The following BIRC6 variants were observed in gnomAD, a reference collection of about 807,000 sequenced individuals.
BIRC6 encodes the protein baculoviral IAP repeat containing 6, also known as dual E2 ubiquitin-conjugating enzyme/E3 ubiquitin-protein ligase BIRC6.
A neutral mutation model predicts 503.3 loss-of-function variants in BIRC6; 98 were observed. The ratio of observed to expected loss-of-function variants is 0.19; its 90% CI spans 0.17 to 0.23. BIRC6 has a LOEUF of 0.23. Ranked by LOEUF, BIRC6 falls within the 10% of genes least tolerant of loss-of-function variation. The pLI, the probability that BIRC6 is intolerant of heterozygous loss-of-function variation, is 1.00. For synonymous variants in BIRC6, 2,240 were observed against 2,078.7 expected, an observed-to-expected ratio of 1.08 and a Z score of -2.11; for missense variants, 5,360 against 5,806.0, an observed-to-expected ratio of 0.92 and a Z score of 2.50.
chr2:32,465,994 G>A (rs773321725), intron 26 of BIRC6, among the ~76,000 whole-genome samples: 1 of 152,088 alleles, frequency 6.6e-6, no homozygotes, highest in Non-Finnish European at 1.5e-5. Flanking sequence ...AAGTCTTATG[G>A]GAGATGAGCA....
At chr2:32,590,567 G>C (rs1329958399) in intron 66 of BIRC6, among the ~76,000 whole-genome samples, 1 of 152,204 alleles carries the variant, frequency 6.6e-6, no homozygotes, top group Admixed American at 6.5e-5. Context: ...TTGGGCGGTA[G>C]ATACTGGTAG....
At chr2:32,404,854 G>A (rs2041021634) in intron 8 of BIRC6, among the ~76,000 whole-genome samples, 1 of 151,756 alleles carries the variant, frequency 6.6e-6, no homozygotes, top group Non-Finnish European at 1.5e-5. Context: ...TGGAGATGGG[G>A]TCTCACTGTG....
intron 71 of BIRC6, among the ~76,000 whole-genome samples, chr2:32,604,977 G>T (rs2062344393): frequency 1.3e-5 from 2 of 151,080 alleles, no homozygotes; most frequent in African/African-American, 4.9e-5. Context: ...CTGCGTCTCG[G>T]GTTCAAGCTG....
chr2:32,618,013 T>G lies in BIRC6; in HGVS notation c.*109T>G. ...ATGTAATAGGTAATGAAACTGAAAC[T>G]ATACTATGCCCTTAAGGAGATCCAG... On this transcript the variant is annotated 3_prime_UTR_variant, in exon 74 of 74. Coordinates refer to ENST00000421745, the MANE Select transcript of BIRC6 (RefSeq NM_016252.4). 1 of 1,079,000 alleles carries G rather than the reference T, an allele frequency of 9.3e-7. No individual in the cohort carries two copies. The highest frequency in any genetic ancestry group is 1.3e-6 in the Non-Finnish European group (1 of 760,996). The allele number at this position is 1,079,000 out of a possible 1,614,324, so 66.8% of individuals were successfully genotyped here. A position where few individuals can be genotyped will look rare whatever the true frequency, so the allele number is the denominator to read the frequency against.
chr2:32,473,743 GTGTGTGTATT>G (rs1266483563), intron 33 of BIRC6, among the ~76,000 whole-genome samples: 162 of 131,410 alleles, frequency 1.2e-3, no homozygotes, highest in African/African-American at 4.6e-3. Context: ...GTGTGTGTGT[GTGTGTGTATT>G]TTTTTTTTTT....
intron 1 of BIRC6, among the ~76,000 whole-genome samples, chr2:32,371,809 G>A (rs1322053248): frequency 6.6e-6 from 1 of 151,358 alleles, no homozygotes; most frequent in Non-Finnish European, 1.5e-5. Context: ...TTCTTTTTTT[G>A]TTTGTTTGTG....
intron 36 of BIRC6, 101 bp downstream of exon 36, chr2:32,478,919 C>T: frequency 1.7e-6 from 2 of 1,152,516 alleles, no homozygotes; most frequent in South Asian, 1.4e-5. Context: ...GGATCTTTAA[C>T]CCCCTAAAAG....
At chr2:32,426,025 C>G (rs746926409) in intron 10 of BIRC6, among the ~76,000 whole-genome samples, 1 of 152,148 alleles carries the variant, frequency 6.6e-6, no homozygotes, top group Non-Finnish European at 1.5e-5. Context: ...TGTTAGGTCC[C>G]ATAGTTCTGA....
chr2:32,369,148 G>A (rs1488187431), intron 1 of BIRC6, among the ~76,000 whole-genome samples: 1 of 151,378 alleles, frequency 6.6e-6, no homozygotes. Context: ...CTGTTTGTCT[G>A]TTATATAATA....
chr2:32,462,878 C>G (rs1485866058), intron 23 of BIRC6, among the ~76,000 whole-genome samples: 1 of 151,724 alleles, frequency 6.6e-6, no homozygotes, highest in Non-Finnish European at 1.5e-5. Context: ...ATCTCTTGAA[C>G]CCAGACGTGG....
At chr2:32,573,764 A>G (rs2060074037) in intron 65 of BIRC6, among the ~76,000 whole-genome samples, 1 of 152,232 alleles carries the variant, frequency 6.6e-6, no homozygotes, top group Non-Finnish European at 1.5e-5. Context: ...CTAAAAAGAA[A>G]GTTGATTTAT....
At chr2:32,470,885 A>G in intron 31 of BIRC6, 129 bp from the exon 32 acceptor site, 1 of 908,152 alleles carries the variant, frequency 1.1e-6, no homozygotes, top group South Asian at 1.9e-5. Flanking sequence ...TTACATATAA[A>G]TATTAGTGTT....
At chr2:32,433,888 G>C (rs114713161) in intron 13 of BIRC6, 84 bp downstream of exon 13, 6 of 1,199,538 alleles carry the variant, frequency 5.0e-6, no homozygotes, top group Non-Finnish European at 6.8e-6. Flanking sequence ...GCTAAGTTTC[G>C]TGTCCCTTTC....
Position 32,415,746 on chromosome 2 carries a change from A to G in BIRC6, c.2455A>G (p.Asn819Asp). 6.2e-7 allele frequency: 1 copy of G among 1,613,758 alleles called. No homozygotes were observed. Among genetic ancestry groups the G allele is most frequent in the South Asian group, 1.1e-5 (1 of 91,074 alleles). The change falls in exon 10 of 74, where the codon AAT becomes GAT. Residue 819 changes from asparagine to aspartate, a missense_variant. Physicochemically the swap from Asn to Asp is conservative, Grantham distance 23 (BLOSUM62 1). Transcript: ENST00000421745. ...TPLIIQPEQR[N>D]VSGGYLVLYK... ...TTTAATAATTCAGCCTGAGCAGAGG[A>G]ATGTTAGTGGTGGATATTTAGTGCT...
rs1345702630 is a variant in BIRC6 at position 32,461,157 on chromosome 2, CCT to C, written c.4754-2033_4754-2032del. ...CCTCCCCTCCCCTCCCCTCCCCTCC[CCT>C]CTCCCCTCCCCTCTCCCCTCCCCTC... On this transcript the variant is annotated intron_variant, in intron 23 of 73. Coordinates refer to ENST00000421745, the MANE Select transcript of BIRC6 (RefSeq NM_016252.4). Among the ~76,000 whole-genome samples the C allele has an allele frequency of 5.5e-3, 46 of 8,346 alleles. 14 individuals are homozygous for C. The highest frequency in any genetic ancestry group is 0.021 in the African/African-American group (46 of 2,178). 5.5% of individuals were successfully genotyped at this position (8,346 alleles called of 152,430 possible). A position where few individuals can be genotyped will look rare whatever the true frequency, so the allele number is the denominator to read the frequency against.
chr2:32,423,352 T>C (rs1162741902), intron 10 of BIRC6, among the ~76,000 whole-genome samples: 1 of 152,222 alleles, frequency 6.6e-6, no homozygotes, highest in South Asian at 2.1e-4. Flanking sequence ...CAGCATGTAA[T>C]GTAGTGGCTG....
chr2:32,529,596 C>A (rs1487306295), intron 59 of BIRC6, 55 bp from the exon 60 acceptor site: 30 of 1,399,942 alleles, frequency 2.1e-5, no homozygotes, highest in Middle Eastern at 1.9e-4. Context: ...AATAATTAAA[C>A]CAAGTAAATG....
In BIRC6 at chr2:32,441,407, C is replaced by A. The variant is rs370410054; in HGVS notation, c.3889C>A (p.Gln1297Lys). The A allele has an allele frequency of 6.2e-7, 1 of 1,610,890 alleles. No individual in the cohort carries two copies. Residue 1297 changes from glutamine to lysine, a missense_variant, in exon 17 of 74, where the codon CAA (glutamine) becomes AAA (lysine). Gln to Lys is a moderately conservative substitution (Grantham distance 53). Transcript: ENST00000421745. ...SENLRGCDLL[Q>K]EVSVTIRRFK... ...AAACCTCCGGGGCTGTGATTTACTTCAAGAGGTCTCAGTCACCATTCGAAG... is the reference window on the plus strand; with the variant it reads ...AAACCTCCGGGGCTGTGATTTACTTAAAGAGGTCTCAGTCACCATTCGAAG...
At position 32,473,181 on chromosome 2, in the gene BIRC6, G is replaced by A. The variant is rs372853327; in HGVS notation, c.6662G>A (p.Ser2221Asn). 2.7e-5 allele frequency: 43 copies of A among 1,567,312 alleles called. No individual in the cohort carries two copies. The highest frequency in any genetic ancestry group is 3.7e-5 in the Non-Finnish European group (43 of 1,153,476). ...TTAAATAGATCTTCTAAAGGCAGCA[G>A]TAGCCTTGATAGATTATATTCCAGA... ...QSLNRSSKGS[S>N]SLDRLYSRKI... Residue 2221 changes from serine (S) to asparagine (N), a missense_variant, in exon 33 of 74, where the codon AGT (serine) becomes AAT (asparagine). Physicochemically the swap from Ser to Asn is conservative, Grantham distance 46. Around this residue, in one of 16 missense-constraint regions of BIRC6, gnomAD observed 2,299 missense variants for 2,267.2 expected, o/e 1.01. Transcript: ENST00000421745.
Sources: gnomAD v4.1 joint callset for allele counts (sites outside exome capture counted in the v4.1 genomes callset) on GRCh38, gnomAD v4.1.1 for gene constraint, gnomAD v4.1.1 regional missense constraint, MANE v1.5 for transcripts, NCBI Gene and HGNC (gene_info 2026-07-23, HGNC 2026-07-21) for gene names.